NPAS3: variants seen among roughly 807,000 people sequenced by gnomAD.
The protein encoded by NPAS3 is neuronal PAS domain protein 3.
In NPAS3, 14 loss-of-function variants were observed where a neutral mutation model predicts 73.1. That is an observed-to-expected ratio of 0.19 (90% CI 0.13 to 0.30). NPAS3 has a LOEUF of 0.30. Ranked by LOEUF, NPAS3 falls within the 10% of genes least tolerant of loss-of-function variation. The pLI, the probability that NPAS3 is intolerant of heterozygous loss-of-function variation, is 1.00. For synonymous variants in NPAS3, 620 were observed against 541.5 expected (o/e 1.14, Z -2.01); for missense variants, 1,096 against 1,250.0 (o/e 0.88, Z 1.86).
chr14:32,990,940 C>CAA (rs202034165), intron 1 of NPAS3, among the ~76,000 whole-genome samples: 4 of 147,636 alleles, frequency 2.7e-5, no homozygotes, highest in African/African-American at 7.5e-5. Flanking sequence ...AAAACAAAAA[C>CAA]AAAAAAAAAC....
intron 4 of NPAS3, among the ~76,000 whole-genome samples, chr14:33,470,640 T>G (rs1758199063): frequency 6.6e-6 from 1 of 152,184 alleles, no homozygotes; most frequent in South Asian, 2.1e-4. Flanking sequence ...GGTGGTTCAT[T>G]TAGGCTGATC....
chr14:33,223,149 A>G (rs1292751001), intron 3 of NPAS3, among the ~76,000 whole-genome samples: 2 of 152,074 alleles, frequency 1.3e-5, no homozygotes, highest in African/African-American at 4.8e-5. Context: ...ATCTCTACTA[A>G]AAAATACAAA....
At chr14:33,154,095 A>C (rs925851200) in intron 2 of NPAS3, among the ~76,000 whole-genome samples, 1 of 152,142 alleles carries the variant, frequency 6.6e-6, no homozygotes, top group African/African-American at 2.4e-5. Context: ...TATAGGTAGA[A>C]TTGGCCTTCT....
At chr14:33,662,333 C>T (rs373270083) in intron 5 of NPAS3, among the ~76,000 whole-genome samples, 1 of 152,292 alleles carries the variant, frequency 6.6e-6, no homozygotes, top group East Asian at 1.9e-4. Context: ...AGTTGGTTAG[C>T]ACCACTGGTA....
At chr14:32,973,641 T>C (rs1330585412) in intron 1 of NPAS3, among the ~76,000 whole-genome samples, 1 of 151,754 alleles carries the variant, frequency 6.6e-6, no homozygotes, top group South Asian at 2.1e-4. Context: ...GTTCAAACAG[T>C]TCTCCAGCCT....
chr14:32,973,088 G>C (rs1047741330), intron 1 of NPAS3, among the ~76,000 whole-genome samples: 16 of 152,126 alleles, frequency 1.1e-4, no homozygotes, highest in African/African-American at 3.9e-4. Flanking sequence ...TTTTGGTGGT[G>C]GTGGGGCTTT....
intron 7 of NPAS3, among the ~76,000 whole-genome samples, chr14:33,771,865 A>T (rs2062664912): frequency 6.6e-6 from 1 of 152,206 alleles, no homozygotes; most frequent in East Asian, 1.9e-4. Context: ...TTCAATGTGA[A>T]TATGCACACA....
chr14:33,022,472 G>A (rs989407081), intron 1 of NPAS3, among the ~76,000 whole-genome samples: 4 of 152,052 alleles, frequency 2.6e-5, no homozygotes, highest in Non-Finnish European at 5.9e-5. Flanking sequence ...AGACCATCCT[G>A]GCTAACACGG....
At chr14:33,712,054 G>A (rs1158149542) in intron 6 of NPAS3, among the ~76,000 whole-genome samples, 1 of 152,138 alleles carries the variant, frequency 6.6e-6, no homozygotes, top group African/African-American at 2.4e-5. Context: ...CTATGGCATG[G>A]TGAAAAGTTG....
At chr14:32,952,474 G>T (rs977191333) in intron 1 of NPAS3, among the ~76,000 whole-genome samples, 1 of 151,872 alleles carries the variant, frequency 6.6e-6, no homozygotes, top group Non-Finnish European at 1.5e-5. Context: ...TCAATTAATA[G>T]AACATGAAAA....
At chr14:33,042,114 A>G (rs1248607670) in intron 1 of NPAS3, among the ~76,000 whole-genome samples, 1 of 152,178 alleles carries the variant, frequency 6.6e-6, no homozygotes, top group East Asian at 1.9e-4. Context: ...AACATGAACA[A>G]TTATATATGT....
chr14:33,195,267 T>C (rs2046311953), intron 2 of NPAS3, among the ~76,000 whole-genome samples: 1 of 151,634 alleles, frequency 6.6e-6, no homozygotes, highest in African/African-American at 2.4e-5. Flanking sequence ...TTTTTTTTTG[T>C]TTTGTTTTCT....
At chr14:33,210,693 T>C (rs978133786) in intron 2 of NPAS3, among the ~76,000 whole-genome samples, 1 of 152,208 alleles carries the variant, frequency 6.6e-6, no homozygotes, top group Non-Finnish European at 1.5e-5. Context: ...AACAGCTGTT[T>C]AGATACTCAT....
chr14:33,749,016 A>G (rs761665262), intron 7 of NPAS3, among the ~76,000 whole-genome samples: 1 of 152,174 alleles, frequency 6.6e-6, no homozygotes, highest in Non-Finnish European at 1.5e-5. Flanking sequence ...CCATGAGGGA[A>G]AAGAGGTCTG....
At chr14:33,680,568 G>A (rs1211532397) in intron 6 of NPAS3, 9 of 700,954 alleles carry the variant, frequency 1.3e-5, no homozygotes, top group Non-Finnish European at 5.2e-6. Flanking sequence ...TCATTTTCAT[G>A]TTTCTCTAAG....
chr14:33,139,942 GAT>G (rs1491311518), intron 2 of NPAS3, among the ~76,000 whole-genome samples: 1 of 92,486 alleles, frequency 1.1e-5, no homozygotes, highest in Non-Finnish European at 2.6e-5. Context: ...CTGCCTGCAT[GAT>G]TTTTTTTTTC....
intron 2 of NPAS3, among the ~76,000 whole-genome samples, chr14:33,160,942 C>CAT (rs2044856194): frequency 6.6e-6 from 1 of 152,114 alleles, no homozygotes. Context: ...CATTGTAGCA[C>CAT]ATATTGGAGA....
intron 2 of NPAS3, among the ~76,000 whole-genome samples, chr14:33,128,711 T>C (rs2043524107): frequency 6.6e-6 from 1 of 152,166 alleles, no homozygotes; most frequent in Non-Finnish European, 1.5e-5. Flanking sequence ...TCAATACATA[T>C]TTGAAATGAA....
At chr14:33,711,827 T>G (rs893592718) in intron 6 of NPAS3, among the ~76,000 whole-genome samples, 4 of 152,020 alleles carry the variant, frequency 2.6e-5, no homozygotes, top group African/African-American at 7.2e-5. Flanking sequence ...GTTCCCATAG[T>G]CAGGTGCCTG....
Sources: allele counts gnomAD v4.1 joint callset (sites outside exome capture counted in the v4.1 genomes callset), GRCh38; gene constraint gnomAD v4.1.1; transcripts MANE v1.5; gene names NCBI Gene and HGNC (gene_info 2026-07-23, HGNC 2026-07-21).